Variants in PTPRN2 observed in about 807,000 individuals in gnomAD.
PTPRN2 encodes the protein receptor-type tyrosine-protein phosphatase N2.
PTPRN2 carries 74 observed loss-of-function variants against 118.8 expected under a neutral mutation model. That is an observed-to-expected ratio of 0.62 (90% CI 0.52 to 0.76). PTPRN2 has a LOEUF of 0.76. Ranked by LOEUF, PTPRN2 falls within the 30% of genes least tolerant of loss-of-function variation. The pLI is 0.00. For synonymous variants in PTPRN2, 641 were observed against 608.0 expected, an observed-to-expected ratio of 1.05 and a Z score of -0.80; for missense variants, 1,481 against 1,394.4, an observed-to-expected ratio of 1.06 and a Z score of -0.99.
intron 12 of PTPRN2, among the ~76,000 whole-genome samples, chr7:157,811,212 A>C (rs1018723988): frequency 8.6e-5 from 13 of 151,088 alleles, no homozygotes; most frequent in Non-Finnish European, 1.8e-4. Flanking sequence ...TGGAGCTTGC[A>C]GTGAGCGGAG....
At chr7:157,766,961 T>C (rs1291217157) in intron 12 of PTPRN2, among the ~76,000 whole-genome samples, 3 of 152,222 alleles carry the variant, frequency 2.0e-5, no homozygotes, top group African/African-American at 7.2e-5. Context: ...TCCTGTCTGA[T>C]GACCCAGCTG....
At chr7:158,172,590 T>C (rs1823804902) in intron 5 of PTPRN2, among the ~76,000 whole-genome samples, 3 of 146,156 alleles carry the variant, frequency 2.1e-5, no homozygotes, top group Admixed American at 1.4e-4. Flanking sequence ...CTCCACTATC[T>C]CCACCATCAA....
chr7:158,155,708 G>A (rs199553615), intron 6 of PTPRN2, among the ~76,000 whole-genome samples: 515 of 7,256 alleles, frequency 0.071, no homozygotes, highest in Middle Eastern at 0.12. Flanking sequence ...TATCATCACC[G>A]TCAACACCAT....
intron 6 of PTPRN2, among the ~76,000 whole-genome samples, chr7:158,163,591 ATTTC>A (rs1822576097): frequency 1.4e-5 from 2 of 145,696 alleles, no homozygotes; most frequent in Non-Finnish European, 1.5e-5. Flanking sequence ...TTCTCTGTAT[ATTTC>A]ATAGGTGGCG....
chr7:158,277,170 T>C (rs1477869647), intron 3 of PTPRN2, among the ~76,000 whole-genome samples: 1 of 152,328 alleles, frequency 6.6e-6, no homozygotes, highest in East Asian at 1.9e-4. Context: ...CACATAAACA[T>C]GCTCTTCTCA....
intron 11 of PTPRN2, among the ~76,000 whole-genome samples, chr7:157,962,104 G>A (rs1270992983): frequency 1.3e-5 from 2 of 152,254 alleles, no homozygotes; most frequent in Non-Finnish European, 2.9e-5. Flanking sequence ...AGTATTTTAT[G>A]AAACAGTTTC....
chr7:158,103,489 G>C (rs113181301), intron 10 of PTPRN2, among the ~76,000 whole-genome samples: 1 of 152,212 alleles, frequency 6.6e-6, no homozygotes, highest in African/African-American at 2.4e-5. Context: ...ATGGAGCAGC[G>C]ATGTCCGAGG....
chr7:157,770,522 T>C (rs1308062009), intron 12 of PTPRN2, among the ~76,000 whole-genome samples: 1 of 152,216 alleles, frequency 6.6e-6, no homozygotes, highest in Non-Finnish European at 1.5e-5. Context: ...TTTCTTTTCA[T>C]TTTCATTCAA....
intron 11 of PTPRN2, among the ~76,000 whole-genome samples, chr7:158,024,338 A>G (rs888358086): frequency 2.0e-5 from 3 of 152,152 alleles, no homozygotes; most frequent in Admixed American, 2.0e-4. Flanking sequence ...CAAGAAGCAA[A>G]TCAATCAGAA....
intron 3 of PTPRN2, among the ~76,000 whole-genome samples, chr7:158,278,233 T>G: frequency 6.6e-6 from 1 of 151,802 alleles, no homozygotes; most frequent in East Asian, 1.9e-4. Flanking sequence ...GGGAATCGAA[T>G]GCAGGGACCA....
intron 22 of PTPRN2, among the ~76,000 whole-genome samples, chr7:157,548,414 C>G (rs889287684): frequency 6.6e-6 from 1 of 152,178 alleles, no homozygotes; most frequent in African/African-American, 2.4e-5. Context: ...ACCAGACACA[C>G]GTCAACCTCA....
intron 12 of PTPRN2, among the ~76,000 whole-genome samples, chr7:157,897,647 T>C (rs938707697): frequency 6.6e-6 from 1 of 152,238 alleles, no homozygotes; most frequent in Non-Finnish European, 1.5e-5. Context: ...CTTCAGGCTA[T>C]TCTTAAGCAG....
At chr7:158,165,181 C>CAAGAGGCAGT (rs1563544820) in intron 6 of PTPRN2, among the ~76,000 whole-genome samples, 5 of 115,888 alleles carry the variant, frequency 4.3e-5, no homozygotes, top group African/African-American at 6.9e-5. Context: ...CTAGTACCCA[C>CAAGAGGCAGT]GAAAGTGCAG....
chr7:158,496,310 G>A (rs1385781758), intron 1 of PTPRN2, among the ~76,000 whole-genome samples: 8 of 69,558 alleles, frequency 1.2e-4, no homozygotes, highest in South Asian at 7.4e-4. Flanking sequence ...TCCCTGCAGC[G>A]TCCCCCTTTC....
At chr7:158,362,724 A>T (rs1026006070) in intron 2 of PTPRN2, among the ~76,000 whole-genome samples, 8 of 152,194 alleles carry the variant, frequency 5.3e-5, no homozygotes, top group African/African-American at 1.9e-4. Context: ...TCCTGGTGAA[A>T]ATGCAGAGAA....
intron 2 of PTPRN2, among the ~76,000 whole-genome samples, chr7:158,432,306 G>A (rs1038870778): frequency 3.1e-4 from 47 of 152,232 alleles, no homozygotes; most frequent in African/African-American, 1.1e-3. Context: ...CAGGATCCCA[G>A]GCTCCTTCCC....
chr7:158,316,658 G>A (rs1205961485), intron 3 of PTPRN2, among the ~76,000 whole-genome samples, 161 bp downstream of exon 3: 1 of 152,204 alleles, frequency 6.6e-6, no homozygotes, highest in East Asian at 1.9e-4. Context: ...GATCCCAGTA[G>A]GAAGCACCCA....
At chr7:157,960,111 T>C (rs1194333707) in intron 11 of PTPRN2, among the ~76,000 whole-genome samples, 1 of 145,710 alleles carries the variant, frequency 6.9e-6, no homozygotes, top group African/African-American at 2.6e-5. Context: ...CCCACTTCTC[T>C]GAGGTCCCTA....
At chr7:158,274,978 G>A (rs1460473007) in intron 3 of PTPRN2, among the ~76,000 whole-genome samples, 2 of 152,222 alleles carry the variant, frequency 1.3e-5, no homozygotes, top group Non-Finnish European at 2.9e-5. Flanking sequence ...AACTCCTGGG[G>A]CGTAGCAGAG....
Sources: gnomAD v4.1 joint callset for allele counts (sites outside exome capture counted in the v4.1 genomes callset) on GRCh38, gnomAD v4.1.1 for gene constraint, MANE v1.5 for transcripts, NCBI Gene and HGNC (gene_info 2026-07-23, HGNC 2026-07-21) for gene names.